Variants in SVOPL observed in about 807,000 individuals in gnomAD.
SVOPL encodes the protein SVOP like.
A neutral mutation model predicts 61.0 loss-of-function variants in SVOPL; 60 were observed. The ratio of observed to expected loss-of-function variants is 0.98; its 90% confidence interval spans 0.80 to 1.22. The LOEUF (loss-of-function observed/expected upper bound fraction) is 1.22. Among genes scored for constraint, SVOPL ranks in the 50% most tolerant of loss-of-function variants. The pLI is 0.00. For synonymous variants in SVOPL, 279 were observed against 250.0 expected, an observed-to-expected ratio of 1.12 and a Z score of -1.09; for missense variants, 662 against 643.9, an observed-to-expected ratio of 1.03 and a Z score of -0.30.
chr7:138,644,650 T>G (rs1302316725), intron 9 of SVOPL, 67 bp downstream of exon 9: 1 of 1,582,040 alleles, frequency 6.3e-7, no homozygotes, highest in Non-Finnish European at 8.6e-7. Flanking sequence ...CCTCCAGCCT[T>G]CCACAACTGA....
intron 9 of SVOPL, among the ~76,000 whole-genome samples, chr7:138,633,959 A>T (rs1462140439): frequency 2.0e-5 from 3 of 152,164 alleles, no homozygotes; most frequent in Non-Finnish European, 4.4e-5. Flanking sequence ...TGGCTACAGG[A>T]TCCCAAGAAA....
chr7:138,657,753 A>G (rs1241349461), intron 6 of SVOPL, among the ~76,000 whole-genome samples: 1 of 152,150 alleles, frequency 6.6e-6, no homozygotes, highest in Admixed American at 6.5e-5. Context: ...CCCAGGGAAG[A>G]ACAATTCTTT....
chr7:138,607,804 T>C (rs951142752), intron 14 of SVOPL, among the ~76,000 whole-genome samples: 1 of 152,138 alleles, frequency 6.6e-6, no homozygotes, highest in Non-Finnish European at 1.5e-5. Flanking sequence ...ATTGGAAGCA[T>C]TCAGCATCAA....
At chr7:138,645,909 G>A (rs1248007818) in intron 8 of SVOPL, among the ~76,000 whole-genome samples, 44 of 152,156 alleles carry the variant, frequency 2.9e-4, no homozygotes, top group African/African-American at 7.5e-4. Context: ...TCCACCTCCC[G>A]GGTTCAAGCA....
chr7:138,631,971 CACACACACACACAT>C (rs1216585925), intron 9 of SVOPL, among the ~76,000 whole-genome samples: 1 of 151,908 alleles, frequency 6.6e-6, no homozygotes, highest in African/African-American at 2.4e-5. Context: ...CACACACACA[CACACACACACACAT>C]ACACACACCC....
chr7:138,596,588 C>A (rs868054539), intron 14 of SVOPL, 58 bp from the exon 15 acceptor site: 1 of 1,577,314 alleles, frequency 6.3e-7, no homozygotes, highest in Non-Finnish European at 8.6e-7. Flanking sequence ...CTAAACTGTT[C>A]TTTATGTGAA....
intron 1 of SVOPL, among the ~76,000 whole-genome samples, chr7:138,697,453 A>T (rs1803086656): frequency 1.3e-5 from 2 of 151,708 alleles, no homozygotes; most frequent in Admixed American, 6.6e-5. Context: ...AAAGTTTTTT[A>T]AAAAATTAGC....
chr7:138,678,190 C>T (rs1802615889), intron 3 of SVOPL, among the ~76,000 whole-genome samples: 2 of 152,032 alleles, frequency 1.3e-5, no homozygotes, highest in Admixed American at 1.3e-4. Context: ...CCCTCCCCCA[C>T]CACTCCTGTT....
chr7:138,606,245 T>C (rs1464502094), intron 14 of SVOPL, among the ~76,000 whole-genome samples: 2 of 152,126 alleles, frequency 1.3e-5, no homozygotes, highest in African/African-American at 2.4e-5. Flanking sequence ...CCTGGAGTTC[T>C]TGTCTCACGA....
chr7:138,648,639 C>T (rs1801256159), intron 8 of SVOPL, among the ~76,000 whole-genome samples: 1 of 151,456 alleles, frequency 6.6e-6, no homozygotes, highest in African/African-American at 2.4e-5. Flanking sequence ...ACCCGGGAGG[C>T]GGAGCTTGCA....
chr7:138,648,539 A>T (rs1011258238), intron 8 of SVOPL, among the ~76,000 whole-genome samples: 3 of 128,796 alleles, frequency 2.3e-5, no homozygotes, highest in African/African-American at 1.1e-4. Flanking sequence ...AATCCAAAAA[A>T]AAAAAAAAAA....
intron 9 of SVOPL, among the ~76,000 whole-genome samples, chr7:138,633,864 T>C (rs534097085): frequency 3.2e-4 from 48 of 152,328 alleles, no homozygotes; most frequent in African/African-American, 1.1e-3. Context: ...TCATCAGTGA[T>C]GTCCTCGGCA....
At chr7:138,650,464 C>A (rs147619434) in intron 7 of SVOPL, among the ~76,000 whole-genome samples, 1 of 151,598 alleles carries the variant, frequency 6.6e-6, no homozygotes, top group African/African-American at 2.4e-5. Context: ...AAGTAACTAT[C>A]GGGTCATTGG....
intron 14 of SVOPL, among the ~76,000 whole-genome samples, chr7:138,599,159 C>CAAAAAAAAA (rs1336279820): frequency 3.6e-5 from 3 of 82,734 alleles, no homozygotes; most frequent in African/African-American, 6.5e-5. Flanking sequence ...AAAAAAAAAC[C>CAAAAAAAAA]AAAAAAAAAA....
At chr7:138,668,193 T>C (rs1191383260) in intron 4 of SVOPL, among the ~76,000 whole-genome samples, 2 of 152,034 alleles carry the variant, frequency 1.3e-5, no homozygotes, top group South Asian at 2.1e-4. Flanking sequence ...TACTATTTCA[T>C]CTCTAACCCA....
intron 5 of SVOPL, chr7:138,660,317 C>G: frequency 9.4e-7 from 1 of 1,058,788 alleles, no homozygotes; most frequent in Non-Finnish European, 1.1e-6. Flanking sequence ...CGTAATGAGG[C>G]AGTATGTTGG....
At chr7:138,686,543 G>A in intron 1 of SVOPL, among the ~76,000 whole-genome samples, 1 of 149,556 alleles carries the variant, frequency 6.7e-6, no homozygotes, top group East Asian at 1.9e-4. Context: ...CCTGGCCTAA[G>A]GAGTTTTTTG....
rs573825765 is a variant in SVOPL at position 138,645,774 on chromosome 7, G to A, written c.661-929C>T. The A allele has an allele frequency of 3.3e-3, 533 of 160,486 alleles. 2 individuals are homozygous for A. The highest frequency in any genetic ancestry group is 0.018 in the Middle Eastern group (6 of 330). 9.9% of individuals were successfully genotyped at this position (160,486 alleles called of 1,614,324 possible). A position where few individuals can be genotyped will look rare whatever the true frequency, so the allele number is the denominator to read the frequency against. ...GTGGAACAGGACTGGTGCTTCAGCCGAACCCAGGTATACTTCCCTTCGGCT... is the reference window on the plus strand; with the variant it reads ...GTGGAACAGGACTGGTGCTTCAGCCAAACCCAGGTATACTTCCCTTCGGCT... On this transcript the variant is annotated intron_variant, in intron 8 of 15. Transcript: ENST00000674285.
intron 9 of SVOPL, among the ~76,000 whole-genome samples, chr7:138,637,887 G>A (rs1800574698): frequency 6.6e-6 from 1 of 152,158 alleles, no homozygotes; most frequent in African/African-American, 2.4e-5. Flanking sequence ...AGGAGGCAGA[G>A]GTTGCAGTGA....
Sources: allele counts gnomAD v4.1 joint callset (sites outside exome capture counted in the v4.1 genomes callset), GRCh38; gene constraint gnomAD v4.1.1; transcripts MANE v1.5; gene names NCBI Gene and HGNC (gene_info 2026-07-23, HGNC 2026-07-21).